Variants in CDC42EP3 observed in about 807,000 individuals in gnomAD.
CDC42EP3 encodes CDC42 effector protein 3.
A neutral mutation model predicts 15.5 loss-of-function variants in CDC42EP3; 4 were observed. The ratio of observed to expected loss-of-function variants is 0.26; its 90% CI spans 0.13 to 0.59. CDC42EP3 has a LOEUF of 0.59. Among genes scored for constraint, CDC42EP3 ranks in the 20% least tolerant of loss-of-function variants. The pLI is 0.89. For missense variants in CDC42EP3, 309 were observed against 311.2 expected, an observed-to-expected ratio of 0.99 and a Z score of 0.05; for synonymous variants, 145 against 130.3, an observed-to-expected ratio of 1.11 and a Z score of -0.77.
intron 1 of CDC42EP3, among the ~76,000 whole-genome samples, chr2:37,670,322 G>A (rs1352787427): frequency 6.6e-6 from 1 of 152,076 alleles, no homozygotes; most frequent in Non-Finnish European, 1.5e-5. Context: ...GCTGGGAGAT[G>A]GGGATGGAAT....
intron 1 of CDC42EP3, among the ~76,000 whole-genome samples, chr2:37,665,414 G>A (rs897007153): frequency 4.6e-5 from 7 of 152,114 alleles, no homozygotes; most frequent in South Asian, 2.1e-4. Flanking sequence ...CTCATCTCCC[G>A]CTGTGTTAAA....
At position 37,646,256 on chromosome 2, in the gene CDC42EP3, G is replaced by T. The variant is rs761960477; in HGVS notation, c.332C>A (p.Thr111Asn). ...CATGAGAGCTTGGGATCCTCCAATG[G>T]TCGGGAGGGAGATGGCATTTTTGAG... ...PVLKNAISLP[T>N]IGGSQALMLP... is the part of the protein sequence containing the mutation. The change falls in exon 2 of 2, where the codon ACC (threonine) becomes AAC (asparagine). Residue 111 changes from threonine (T) to asparagine (N), a missense_variant. Coordinates refer to ENST00000295324, the MANE Select transcript of CDC42EP3 (RefSeq NM_006449.5). 3 of 1,614,070 alleles carry T rather than the reference G, an allele frequency of 1.9e-6. No individual in the cohort carries two copies. Among genetic ancestry groups the T allele is most frequent in the South Asian group, 1.1e-5 (1 of 91,084 alleles).
At chr2:37,663,865 C>T (rs182490526) in intron 1 of CDC42EP3, among the ~76,000 whole-genome samples, 47 of 152,220 alleles carry the variant, frequency 3.1e-4, no homozygotes, top group African/African-American at 9.4e-4. Context: ...CAGCTGCCAG[C>T]GTGGCTAGGA....
chr2:37,647,995 A>G (rs1665530596), intron 1 of CDC42EP3, among the ~76,000 whole-genome samples: 1 of 152,232 alleles, frequency 6.6e-6, no homozygotes, highest in South Asian at 2.1e-4. Context: ...CCTGACCCAC[A>G]GAACCTGTGA....
Position 37,645,770 on chromosome 2 carries a change from T to G in CDC42EP3, c.*53A>C. 2.2e-6 allele frequency: 3 copies of G among 1,372,048 alleles called. No homozygotes were observed. Among genetic ancestry groups the G allele is most frequent in the Non-Finnish European group, 3.0e-6 (3 of 1,016,540 alleles). 85.0% of individuals were successfully genotyped at this position (1,372,048 alleles called of 1,614,324 possible). A position where few individuals can be genotyped will look rare whatever the true frequency, so the allele number is the denominator to read the frequency against. On this transcript the variant is annotated 3_prime_UTR_variant, in exon 2 of 2. Coordinates refer to ENST00000295324, the MANE Select transcript of CDC42EP3 (RefSeq NM_006449.5). ...CTCCGGAAGCCCTTCTCTTCAACTG[T>G]GGTTAGTTTGTTTTTGTACCTTTTA...
At chr2:37,667,920 C>G (rs1666293946) in intron 1 of CDC42EP3, among the ~76,000 whole-genome samples, 1 of 152,216 alleles carries the variant, frequency 6.6e-6, no homozygotes, top group Non-Finnish European at 1.5e-5. Flanking sequence ...AGCCTGTGTT[C>G]TCATCTGGAA....
intron 1 of CDC42EP3, among the ~76,000 whole-genome samples, chr2:37,662,164 C>A (rs2124632357): frequency 6.6e-6 from 1 of 152,268 alleles, no homozygotes; most frequent in East Asian, 1.9e-4. Flanking sequence ...ATACAATTTT[C>A]ATCACCCTTT....
Position 37,645,687 on chromosome 2 carries a change from A to C in CDC42EP3, c.*136T>G. 1 of 756,528 alleles carries C rather than the reference A, an allele frequency of 1.3e-6. No individual in the cohort carries two copies. Among genetic ancestry groups the C allele is most frequent in the Admixed American group, 2.8e-5 (1 of 35,586 alleles). 46.9% of individuals were successfully genotyped at this position (756,528 alleles called of 1,614,324 possible). A position where few individuals can be genotyped will look rare whatever the true frequency, so the allele number is the denominator to read the frequency against. On this transcript the variant is annotated 3_prime_UTR_variant, in exon 2 of 2. Transcript: ENST00000295324. ...TTTTGCAAACAGGGCATAACAGGTAAAAAAATACTTTGTAAGAATATTATT... is the reference window on the plus strand; with the variant it reads ...TTTTGCAAACAGGGCATAACAGGTACAAAAATACTTTGTAAGAATATTATT...
chr2:37,671,332 TA>T (rs1467605903), intron 1 of CDC42EP3, 93 bp downstream of exon 1: 3 of 152,252 alleles, frequency 2.0e-5, no homozygotes, highest in Non-Finnish European at 4.4e-5. Flanking sequence ...TTTCCCAGCC[TA>T]ACACCAGCGC....
At chr2:37,649,363 G>A (rs1206192901) in intron 1 of CDC42EP3, among the ~76,000 whole-genome samples, 2 of 149,630 alleles carry the variant, frequency 1.3e-5, no homozygotes, top group Non-Finnish European at 3.0e-5. Context: ...GCTGAGGTGG[G>A]AGGACTGGTT....
At chr2:37,650,801 A>G (rs1665648269) in intron 1 of CDC42EP3, among the ~76,000 whole-genome samples, 2 of 152,238 alleles carry the variant, frequency 1.3e-5, no homozygotes, top group African/African-American at 4.8e-5. Context: ...AGGATGGGAA[A>G]CAGGCCCTGC....
chr2:37,654,383 A>G (rs893861423), intron 1 of CDC42EP3, among the ~76,000 whole-genome samples: 2 of 152,176 alleles, frequency 1.3e-5, no homozygotes, highest in East Asian at 3.8e-4. Flanking sequence ...ATAGAAAGAG[A>G]AAACTAATCT....
chr2:37,646,057 A>T lies in CDC42EP3; in HGVS notation c.531T>A (p.Ser177=). The stretch of plus-strand genomic sequence containing the variant: ...CTCTGCCTTGGCTGGACTGAGATGC[A>T]GAACCGCTGGAGCCCCACGAGGTGT... ...QGDTSWGSSG[S]ASQSSQGRDS... Residue 177 remains serine, a synonymous_variant, in exon 2 of 2, where the codon TCT becomes TCA. Coordinates refer to ENST00000295324, the MANE Select transcript of CDC42EP3 (RefSeq NM_006449.5). 1 of 1,614,178 alleles carries T rather than the reference A, an allele frequency of 6.2e-7. No homozygotes were observed. The highest frequency in any genetic ancestry group is 8.5e-7 in the Non-Finnish European group (1 of 1,180,026).
intron 1 of CDC42EP3, among the ~76,000 whole-genome samples, chr2:37,649,405 T>C (rs137937459): frequency 1.5e-3 from 191 of 125,560 alleles, no homozygotes; most frequent in Non-Finnish European, 2.3e-3. Context: ...CGGAGAGCTA[T>C]GATTGTACCA....
intron 1 of CDC42EP3, among the ~76,000 whole-genome samples, chr2:37,664,486 C>T (rs898582917): frequency 2.0e-5 from 3 of 152,006 alleles, no homozygotes; most frequent in East Asian, 3.9e-4. Context: ...TGAGTCAACA[C>T]TCCTTAATAA....
upstream of CDC42EP3, chr2:37,672,324 C>T (rs569561329): frequency 5.5e-3 from 833 of 152,566 alleles, 2 homozygotes; most frequent in Non-Finnish European, 9.3e-3. Flanking sequence ...GGACACGCGA[C>T]GAACAGCAGA....
intron 1 of CDC42EP3, among the ~76,000 whole-genome samples, chr2:37,660,117 A>T (rs1159957724): frequency 6.6e-6 from 1 of 152,276 alleles, no homozygotes; most frequent in African/African-American, 2.4e-5. Context: ...ACAAGGCATT[A>T]TCTTTTCCCC....
At chr2:37,663,609 A>C (rs1321081727) in intron 1 of CDC42EP3, among the ~76,000 whole-genome samples, 1 of 152,230 alleles carries the variant, frequency 6.6e-6, no homozygotes, top group Non-Finnish European at 1.5e-5. Context: ...CTATCACCAC[A>C]ACCAAATGAC....
At chr2:37,670,930 A>G (rs1666394403) in intron 1 of CDC42EP3, among the ~76,000 whole-genome samples, 1 of 152,132 alleles carries the variant, frequency 6.6e-6, no homozygotes, top group South Asian at 2.1e-4. Flanking sequence ...AAAAAACAAA[A>G]AAGTCAATAT....
Sources: gnomAD v4.1 joint callset for allele counts (sites outside exome capture counted in the v4.1 genomes callset) on GRCh38, gnomAD v4.1.1 for gene constraint, MANE v1.5 for transcripts, NCBI Gene and HGNC (gene_info 2026-07-23, HGNC 2026-07-21) for gene names.